CADM2: variants seen among roughly 807,000 people sequenced by gnomAD.
CADM2 encodes cell adhesion molecule 2.
Under a neutral mutation model 49.8 loss-of-function variants are expected in CADM2, and 12 were observed. That is an observed-to-expected ratio of 0.24 (90% CI 0.15 to 0.39). CADM2 has a LOEUF of 0.39. CADM2 is among the 10% of genes least tolerant of loss of function. The probability of loss-of-function intolerance (pLI) is 1.00; values close to 1 mark genes in which losing one functional copy is unlikely to be tolerated. For missense variants in CADM2, 378 were observed against 492.3 expected (o/e 0.77, Z 2.20); for synonymous variants, 214 against 175.4 (o/e 1.22, Z -1.74).
chr3:86,013,141 A>C, intron 8 of CADM2: 1 of 1,339,522 alleles, frequency 7.5e-7, no homozygotes, highest in Non-Finnish European at 1.1e-6. Context: ...GTAAGTAGAC[A>C]CAGAAAACGA....
At chr3:85,303,208 G>A (rs2044141068) in intron 1 of CADM2, among the ~76,000 whole-genome samples, 1 of 151,934 alleles carries the variant, frequency 6.6e-6, no homozygotes, top group South Asian at 2.1e-4. Context: ...GTGCACAAAA[G>A]AGCTGTATTT....
intron 8 of CADM2, chr3:86,013,009 A>G: frequency 3.1e-6 from 3 of 956,348 alleles, no homozygotes; most frequent in Non-Finnish European, 3.4e-6. Context: ...CTAAATAAAC[A>G]TTATCGATTA....
intron 3 of CADM2, among the ~76,000 whole-genome samples, chr3:85,833,070 T>G (rs2108235871): frequency 6.6e-6 from 1 of 152,070 alleles, no homozygotes; most frequent in African/African-American, 2.4e-5. Context: ...AAAGCATTTC[T>G]GCATCACATA....
At chr3:85,271,192 A>G (rs1006514318) in intron 1 of CADM2, among the ~76,000 whole-genome samples, 2 of 151,334 alleles carry the variant, frequency 1.3e-5, no homozygotes, top group Admixed American at 6.6e-5. Flanking sequence ...AGTGAATTCA[A>G]TCTCTAATTT....
At chr3:85,411,842 T>A (rs1440342501) in intron 1 of CADM2, among the ~76,000 whole-genome samples, 1 of 152,152 alleles carries the variant, frequency 6.6e-6, no homozygotes, top group Non-Finnish European at 1.5e-5. Context: ...ATCATAATTT[T>A]GTTTTATTTT....
intron 1 of CADM2, among the ~76,000 whole-genome samples, chr3:85,094,482 A>G (rs914783803): frequency 6.6e-6 from 1 of 152,212 alleles, no homozygotes; most frequent in African/African-American, 2.4e-5. Context: ...AAGAGGTGGT[A>G]AAGAGCAAAG....
chr3:84,996,291 C>A (rs1258260054), intron 1 of CADM2, among the ~76,000 whole-genome samples: 1 of 151,800 alleles, frequency 6.6e-6, no homozygotes, highest in East Asian at 1.9e-4. Context: ...AGTTAAATTG[C>A]CTCTATGTTT....
At chr3:84,983,644 A>C (rs962879296) in intron 1 of CADM2, among the ~76,000 whole-genome samples, 34 of 152,138 alleles carry the variant, frequency 2.2e-4, no homozygotes, top group African/African-American at 8.0e-4. Flanking sequence ...AGTGCTCTAT[A>C]CACAATGGCC....
At chr3:85,088,205 A>C (rs1047558075) in intron 1 of CADM2, among the ~76,000 whole-genome samples, 1 of 152,120 alleles carries the variant, frequency 6.6e-6, no homozygotes, top group African/African-American at 2.4e-5. Context: ...CACTGAATTC[A>C]TATTGGTTCT....
At position 85,855,617 on chromosome 3, in the gene CADM2, A is replaced by ATATATATATATAT. The variant is rs374763892; in HGVS notation, c.239-27674_239-27673insTATATATATATAT. On this transcript the variant is annotated intron_variant, in intron 3 of 9. Transcript: ENST00000383699. ...ATATATAAAACATATATATATATAT[A>ATATATATATATAT]AAACATATATATATATATATATATT... is the stretch of plus-strand genomic sequence containing the variant. Among the ~76,000 whole-genome samples the ATATATATATATAT allele has an allele frequency of 3.7e-3, 156 of 42,242 alleles. 1 individual carries two copies. The highest frequency in any genetic ancestry group is 4.7e-3 in the Non-Finnish European group (100 of 21,134). 27.7% of individuals were successfully genotyped at this position (42,242 alleles called of 152,430 possible).
At chr3:86,038,162 A>C (rs1056228037) in intron 8 of CADM2, among the ~76,000 whole-genome samples, 8 of 152,240 alleles carry the variant, frequency 5.3e-5, no homozygotes, top group African/African-American at 1.9e-4. Flanking sequence ...ATACAAAAAA[A>C]AAGTTAGTTT....
chr3:85,239,651 A>G (rs1309254945), intron 1 of CADM2, among the ~76,000 whole-genome samples: 1 of 151,546 alleles, frequency 6.6e-6, no homozygotes, highest in East Asian at 1.9e-4. Context: ...AAACATTTAT[A>G]AATTTATTAA....
At chr3:85,288,637 G>T (rs1045421394) in intron 1 of CADM2, among the ~76,000 whole-genome samples, 11 of 152,012 alleles carry the variant, frequency 7.2e-5, no homozygotes, top group Admixed American at 6.6e-4. Flanking sequence ...AGTTGGCTCA[G>T]CTATACCTGA....
At chr3:85,596,859 G>A (rs1033407255) in intron 1 of CADM2, among the ~76,000 whole-genome samples, 1 of 152,026 alleles carries the variant, frequency 6.6e-6, no homozygotes, top group Non-Finnish European at 1.5e-5. Context: ...CGGAACTACA[G>A]GCATGCCCCA....
At chr3:85,354,284 C>G in intron 1 of CADM2, among the ~76,000 whole-genome samples, 1 of 134,306 alleles carries the variant, frequency 7.4e-6, no homozygotes, top group South Asian at 2.3e-4. Flanking sequence ...AAAATGTGAC[C>G]TAGGTGGAAA....
At chr3:85,740,623 A>G (rs561853402) in intron 2 of CADM2, among the ~76,000 whole-genome samples, 5 of 151,936 alleles carry the variant, frequency 3.3e-5, no homozygotes, top group South Asian at 2.1e-4. Flanking sequence ...CTCTTTTTGT[A>G]TCTATGCAGT....
At chr3:85,965,405 A>G (rs1233188321) in intron 8 of CADM2, among the ~76,000 whole-genome samples, 1 of 151,126 alleles carries the variant, frequency 6.6e-6, no homozygotes, top group Non-Finnish European at 1.5e-5. Flanking sequence ...CAGATATATA[A>G]TAAATTAGAC....
At chr3:85,830,607 G>T (rs1174264846) in intron 3 of CADM2, among the ~76,000 whole-genome samples, 2 of 151,678 alleles carry the variant, frequency 1.3e-5, no homozygotes, top group African/African-American at 2.4e-5. Context: ...GAATACCAAG[G>T]ATATTTTCCC....
intron 1 of CADM2, among the ~76,000 whole-genome samples, chr3:85,476,634 A>C (rs535447309): frequency 1.2e-3 from 179 of 152,008 alleles, no homozygotes; most frequent in Middle Eastern, 0.01. Context: ...AAATTCTGCA[A>C]ACCGCTCAAC....
Sources: allele counts gnomAD v4.1 joint callset (sites outside exome capture counted in the v4.1 genomes callset), GRCh38; gene constraint gnomAD v4.1.1; transcripts MANE v1.5; gene names NCBI Gene and HGNC (gene_info 2026-07-23, HGNC 2026-07-21).